ST7: variants seen among roughly 807,000 people sequenced by gnomAD.
ST7 encodes suppressor of tumorigenicity 7 protein.
Under a neutral mutation model 78.7 loss-of-function variants are expected in ST7, and 28 were observed. The observed-to-expected ratio is 0.36, with a 90% CI of 0.26 to 0.49. The LOEUF (loss-of-function observed/expected upper bound fraction) is 0.49, where lower values mean the gene tolerates loss of function less well. Among genes scored for constraint, ST7 ranks in the 20% least tolerant of loss-of-function variants. ST7 has a pLI of 0.99. For synonymous variants in ST7, 247 were observed against 249.6 expected, an observed-to-expected ratio of 0.99 and a Z score of 0.10; for missense variants, 418 against 696.0, an observed-to-expected ratio of 0.60 and a Z score of 4.49.
intron 12 of ST7, among the ~76,000 whole-genome samples, chr7:117,205,146 A>G (rs1048833025): frequency 6.6e-6 from 1 of 152,216 alleles, no homozygotes; most frequent in Non-Finnish European, 1.5e-5. Flanking sequence ...AAAATCAAAT[A>G]TTTAACCACC....
At chr7:117,080,196 G>A (rs1799669710) in intron 1 of ST7, among the ~76,000 whole-genome samples, 2 of 151,432 alleles carry the variant, frequency 1.3e-5, no homozygotes, top group African/African-American at 4.8e-5. Flanking sequence ...TAGCCAGGAT[G>A]GTCTCGATCT....
At chr7:117,129,448 C>T (rs1563104437) in intron 3 of ST7, among the ~76,000 whole-genome samples, 1 of 151,958 alleles carries the variant, frequency 6.6e-6, no homozygotes, top group East Asian at 1.9e-4. Context: ...AGTTTTACTT[C>T]TGCCTATACT....
At chr7:117,169,137 CTT>C (rs36088347) in intron 9 of ST7, among the ~76,000 whole-genome samples, 33 of 110,592 alleles carry the variant, frequency 3.0e-4, no homozygotes, top group African/African-American at 8.0e-4. Flanking sequence ...AATCTTCTTC[CTT>C]TTTTTTTTTT....
At chr7:117,071,778 T>C (rs1798976919) in intron 1 of ST7, among the ~76,000 whole-genome samples, 2 of 152,192 alleles carry the variant, frequency 1.3e-5, no homozygotes, top group South Asian at 2.1e-4. Flanking sequence ...CCAGATGTCA[T>C]TAGTTAGCAT....
chr7:117,045,062 A>C (rs1023949189), intron 1 of ST7, among the ~76,000 whole-genome samples: 2 of 152,152 alleles, frequency 1.3e-5, no homozygotes, highest in Non-Finnish European at 2.9e-5. Context: ...ATGCACTGCC[A>C]GTAAGTGTTG....
chr7:117,049,620 A>G (rs1204655949), intron 1 of ST7, among the ~76,000 whole-genome samples: 2 of 152,200 alleles, frequency 1.3e-5, no homozygotes, highest in Non-Finnish European at 2.9e-5. Context: ...ATAAAAAGAT[A>G]TTTTGCAAAA....
At chr7:117,062,908 A>G (rs1288382881) in intron 1 of ST7, among the ~76,000 whole-genome samples, 1 of 152,216 alleles carries the variant, frequency 6.6e-6, no homozygotes, top group East Asian at 1.9e-4. Context: ...TAATCCCCCT[A>G]CATAGTCAGA....
At chr7:116,972,512 C>A in intron 1 of ST7, 1 of 1,045,560 alleles carries the variant, frequency 9.6e-7, no homozygotes. Context: ...TCAATGATCA[C>A]CAACTTATGA....
chr7:117,134,114 T>C lies in ST7; in HGVS notation c.642-10T>C, dbSNP rs776971010. ...TTCATTTTACCAACTATTTTTTTCT[T>C]CTTGGTCAGAATTAGGTCCAGAGTT... On this transcript the variant is annotated splice_polypyrimidine_tract_variant and intron_variant, in intron 6 of 15. Coordinates refer to ENST00000323984, the MANE Select transcript of ST7 (RefSeq NM_001369598.1). 1 of 1,611,194 alleles carries C rather than the reference T, an allele frequency of 6.2e-7. No individual in the cohort carries two copies. The highest frequency in any genetic ancestry group is 8.5e-7 in the Non-Finnish European group (1 of 1,178,478).
chr7:117,056,900 C>CAT (rs1449114862), intron 1 of ST7, among the ~76,000 whole-genome samples: 1 of 152,108 alleles, frequency 6.6e-6, no homozygotes, highest in Admixed American at 6.5e-5. Flanking sequence ...CTCAATTACA[C>CAT]ATATAAGAGA....
Position 117,214,208 on chromosome 7 carries a change from A to G in ST7, c.1405+4271A>G, listed in dbSNP as rs75966647. ...CTATATATCAGGAGGCTAGTCTGCC[A>G]TGGGGTAAATCACTTAGCCTTTCTT... is the stretch of plus-strand genomic sequence containing the variant. On this transcript the variant is annotated intron_variant, in intron 13 of 15. Coordinates refer to ENST00000323984, the MANE Select transcript of ST7 (RefSeq NM_001369598.1). Among the ~76,000 whole-genome samples the G allele has an allele frequency of 2.8e-4, 42 of 152,272 alleles. 1 individual carries two copies. In the East Asian group the frequency reaches 7.9e-3, roughly 29 times the overall value.
chr7:117,129,863 G>A lies in ST7; in HGVS notation c.449+16G>A. The A allele has an allele frequency of 3.1e-6, 5 of 1,604,686 alleles. No homozygotes were observed. The highest frequency in any genetic ancestry group is 4.3e-6 in the Non-Finnish European group (5 of 1,175,188). ...AATACAATCGGTAAGCATTTTGACAGCTTGGGAAACAAATGGGTCTGGTTC... is the reference window on the plus strand; with the variant it reads ...AATACAATCGGTAAGCATTTTGACAACTTGGGAAACAAATGGGTCTGGTTC... On this transcript the variant is annotated intron_variant, in intron 4 of 15. Coordinates refer to ENST00000323984, the MANE Select transcript of ST7 (RefSeq NM_001369598.1).
At chr7:117,226,719 C>G (rs73716419) in intron 15 of ST7, among the ~76,000 whole-genome samples, 5,525 of 152,162 alleles carry the variant, frequency 0.036, 332 homozygotes, top group African/African-American at 0.13. Context: ...GGATGGAAGG[C>G]TTGCTGTGGG....
At chr7:116,973,914 T>C (rs924788172) in intron 1 of ST7, among the ~76,000 whole-genome samples, 1 of 152,226 alleles carries the variant, frequency 6.6e-6, no homozygotes, top group Non-Finnish European at 1.5e-5. Flanking sequence ...TCTTTACACA[T>C]GTATTTGATT....
chr7:116,959,501 G>T (rs1244065647), intron 1 of ST7: 1 of 287,504 alleles, frequency 3.5e-6, no homozygotes. Flanking sequence ...TTCACTGGAT[G>T]AATGAATATC....
intron 9 of ST7, among the ~76,000 whole-genome samples, chr7:117,143,986 G>T (rs149478770): frequency 2.2e-4 from 33 of 152,232 alleles, no homozygotes; most frequent in African/African-American, 7.7e-4. Context: ...AAACCTTCGT[G>T]TGCGTTTACC....
chr7:116,992,828 A>G (rs951872104), intron 1 of ST7, among the ~76,000 whole-genome samples: 1 of 152,202 alleles, frequency 6.6e-6, no homozygotes, highest in Admixed American at 6.5e-5. Context: ...TCACCCTTGA[A>G]TGCTTTGCTG....
chr7:117,131,419 G>T (rs1804344311), intron 5 of ST7, among the ~76,000 whole-genome samples: 1 of 151,760 alleles, frequency 6.6e-6, no homozygotes, highest in Non-Finnish European at 1.5e-5. Flanking sequence ...TTAAGCAAAA[G>T]CTTAAGCATT....
intron 1 of ST7, among the ~76,000 whole-genome samples, chr7:116,966,331 A>T (rs1357507148): frequency 6.8e-6 from 1 of 147,966 alleles, no homozygotes; most frequent in African/African-American, 2.5e-5. Flanking sequence ...GCTCACTGCA[A>T]CCTCCACCTT....
Sources: gnomAD v4.1 joint callset for allele counts (sites outside exome capture counted in the v4.1 genomes callset) on GRCh38, gnomAD v4.1.1 for gene constraint, MANE v1.5 for transcripts, NCBI Gene and HGNC (gene_info 2026-07-23, HGNC 2026-07-21) for gene names.